The following BLTP3A variants were observed in gnomAD, a reference collection of about 807,000 sequenced individuals.
BLTP3A encodes the protein bridge-like lipid transfer protein family member 3A.
At chr6:34,792,379 C>T in the BLTP3A span, 1 of 1,345,108 alleles carries the variant, frequency 7.4e-7, no homozygotes, top group Non-Finnish European at 9.9e-7. Context: ...GCTCCGGGCC[C>T]AGTCTGCCTC....
chr6:34,792,094 C>T, the BLTP3A span: 3 of 413,978 alleles, frequency 7.2e-6, no homozygotes, highest in East Asian at 4.0e-5. Context: ...TGGCGGAGCG[C>T]CAGGCGCCCA....
At chr6:34,877,491 CAAATT>C in the BLTP3A span, 2 of 152,422 alleles carry the variant, frequency 1.3e-5, no homozygotes, top group Non-Finnish European at 2.9e-5. Flanking sequence ...CCTGAAAAAA[CAAATT>C]AAATGTATTA....
the BLTP3A span, among the ~76,000 whole-genome samples, chr6:34,820,949 G>GC: frequency 7.0e-6 from 1 of 143,574 alleles, no homozygotes; most frequent in Non-Finnish European, 1.5e-5. Flanking sequence ...ACCACGCCTG[G>GC]CCCTCTGTCT....
At chr6:34,855,480 C>T in the BLTP3A span, 1 of 926,946 alleles carries the variant, frequency 1.1e-6, no homozygotes, top group Non-Finnish European at 1.6e-6. Flanking sequence ...AATCACCTCA[C>T]ATCCTGGCCT....
At chr6:34,830,219 G>T in the BLTP3A span, among the ~76,000 whole-genome samples, 6 of 152,066 alleles carry the variant, frequency 3.9e-5, no homozygotes, top group Non-Finnish European at 7.4e-5. Context: ...CTCCCAAAAT[G>T]CTGGGATTAC....
the BLTP3A span, among the ~76,000 whole-genome samples, chr6:34,869,537 T>G: frequency 6.6e-6 from 1 of 152,152 alleles, no homozygotes; most frequent in Non-Finnish European, 1.5e-5. Flanking sequence ...GTGATTTGCT[T>G]CTTTCAAGTA....
chr6:34,873,839 TA>T, the BLTP3A span: 1 of 152,760 alleles, frequency 6.5e-6, no homozygotes, highest in Non-Finnish European at 1.5e-5. Flanking sequence ...AAGAAACATG[TA>T]ATTGCAGTGG....
At chr6:34,798,559 C>A in the BLTP3A span, among the ~76,000 whole-genome samples, 1,161 of 146,664 alleles carry the variant, frequency 7.9e-3, 16 homozygotes, top group African/African-American at 0.026. Flanking sequence ...GCATTGTAGC[C>A]ATTCTGGTGA....
chr6:34,836,497 C>T, the BLTP3A span: 1 of 707,430 alleles, frequency 1.4e-6, no homozygotes, highest in Non-Finnish European at 2.3e-6. Flanking sequence ...GGCCTCAGCC[C>T]TCCTGTGGTA....
At chr6:34,860,125 T>C in the BLTP3A span, among the ~76,000 whole-genome samples, 2 of 152,118 alleles carry the variant, frequency 1.3e-5, no homozygotes, top group African/African-American at 4.8e-5. Flanking sequence ...ATCTTGTAAA[T>C]AGAAAAGTTG....
At chr6:34,870,825 A>T in the BLTP3A span, 9 of 1,608,656 alleles carry the variant, frequency 5.6e-6, no homozygotes, top group Non-Finnish European at 5.9e-6. Flanking sequence ...GCCGTTAATT[A>T]GTTGTCTTCC....
chr6:34,844,067 G>T, the BLTP3A span, among the ~76,000 whole-genome samples: 1 of 151,632 alleles, frequency 6.6e-6, no homozygotes, highest in African/African-American at 2.4e-5. Context: ...TGCAAGCTCC[G>T]CCTCCCAGGT....
the BLTP3A span, chr6:34,823,398 C>G: frequency 2.7e-6 from 4 of 1,472,802 alleles, no homozygotes; most frequent in Non-Finnish European, 3.8e-6. Context: ...TGCTCCAGAT[C>G]CCCTTTTAGT....
the BLTP3A span, among the ~76,000 whole-genome samples, chr6:34,861,052 G>A: frequency 1.3e-5 from 2 of 152,084 alleles, no homozygotes; most frequent in Non-Finnish European, 2.9e-5. Flanking sequence ...TTCCTTGGCT[G>A]CTCTCTTCTT....
chr6:34,815,684 C>G, the BLTP3A span, among the ~76,000 whole-genome samples: 1 of 152,056 alleles, frequency 6.6e-6, no homozygotes, highest in South Asian at 2.1e-4. Context: ...ACTTTGTTGC[C>G]CAGGCTGTAG....
At chr6:34,823,475 G>A in the BLTP3A span, 1 of 681,034 alleles carries the variant, frequency 1.5e-6, no homozygotes, top group South Asian at 1.8e-5. Flanking sequence ...AATGGTATAA[G>A]AACCTCCATA....
the BLTP3A span, chr6:34,864,257 C>A: frequency 6.6e-7 from 1 of 1,508,434 alleles, no homozygotes; most frequent in Non-Finnish European, 9.1e-7. Flanking sequence ...CTCTCTGCTG[C>A]CTGTATCAGA....
chr6:34,792,419 A>G, the BLTP3A span: 4 of 993,806 alleles, frequency 4.0e-6, no homozygotes, highest in South Asian at 9.0e-5. Flanking sequence ...ACTCCGTGGC[A>G]GCCCCTGCCT....
chr6:34,856,554 C>T, the BLTP3A span: 20 of 1,168,198 alleles, frequency 1.7e-5, no homozygotes, highest in South Asian at 4.8e-5. Context: ...TTTACAGAGA[C>T]CTCTTTGACT....
Sources: gnomAD v4.1 joint callset for allele counts (sites outside exome capture counted in the v4.1 genomes callset) on GRCh38, gnomAD v4.1.1 for gene constraint, MANE v1.5 for transcripts, NCBI Gene and HGNC (gene_info 2026-07-23, HGNC 2026-07-21) for gene names.